Variants in MEIS2 observed in about 807,000 individuals in gnomAD.
The protein encoded by MEIS2 is Meis homeobox 2.
A neutral mutation model predicts 58.6 loss-of-function variants in MEIS2; 9 were observed. The observed-to-expected ratio is 0.15, with a 90% CI of 0.09 to 0.27. MEIS2 has a LOEUF of 0.27. MEIS2 is among the 10% of genes least tolerant of loss of function. The pLI is 1.00. For missense variants in MEIS2, 427 were observed against 635.0 expected, an observed-to-expected ratio of 0.67 and a Z score of 3.52; for synonymous variants, 221 against 228.4, an observed-to-expected ratio of 0.97 and a Z score of 0.29.
At chr15:37,019,119 A>ATCTATCT (rs1484987116) in intron 8 of MEIS2, among the ~76,000 whole-genome samples, 11 of 152,226 alleles carry the variant, frequency 7.2e-5, no homozygotes, top group African/African-American at 2.7e-4. Context: ...AGACTGTTTT[A>ATCTATCT]CATATTCTAT....
intron 7 of MEIS2, among the ~76,000 whole-genome samples, chr15:37,038,393 T>C (rs997723246): frequency 6.6e-6 from 1 of 152,190 alleles, no homozygotes; most frequent in African/African-American, 2.4e-5. Flanking sequence ...CCTGTTCTTT[T>C]CCTTTCTTGC....
At position 37,030,068 on chromosome 15, in the gene MEIS2, C is replaced by A. The variant is rs371906612; in HGVS notation, c.900+6746G>T. Among the ~76,000 whole-genome samples, 156 of 152,296 alleles carry A rather than the reference C, an allele frequency of 1.0e-3. 1 individual carries two copies. Among genetic ancestry groups the A allele is most frequent in the African/African-American group, 3.3e-3 (139 of 41,586 alleles). On this transcript the variant is annotated intron_variant, in intron 8 of 11. Transcript: ENST00000561208. ...GTCTTGCAGACAGCCTAGACTTTCA[C>A]ACTCTAAGGAAGATAGCAACTCTAT...
At chr15:36,940,478 T>C (rs2058336212) in intron 9 of MEIS2, among the ~76,000 whole-genome samples, 1 of 152,152 alleles carries the variant, frequency 6.6e-6, no homozygotes, top group African/African-American at 2.4e-5. Context: ...TTGGTATCAC[T>C]TTGTCTTTAG....
At chr15:37,032,256 C>T (rs1208375848) in intron 8 of MEIS2, among the ~76,000 whole-genome samples, 1 of 152,162 alleles carries the variant, frequency 6.6e-6, no homozygotes, top group Non-Finnish European at 1.5e-5. Flanking sequence ...TGTATGAGCA[C>T]TTCCTGTTTC....
At chr15:36,930,386 C>T (rs912087253) in intron 9 of MEIS2, among the ~76,000 whole-genome samples, 6 of 152,092 alleles carry the variant, frequency 3.9e-5, no homozygotes, top group Admixed American at 6.5e-5. Context: ...GGAGAGGTCA[C>T]TGAGGCTGGC....
At chr15:36,966,043 A>G (rs1489846331) in intron 8 of MEIS2, among the ~76,000 whole-genome samples, 1 of 152,240 alleles carries the variant, frequency 6.6e-6, no homozygotes, top group Non-Finnish European at 1.5e-5. Context: ...AGAAACTGCA[A>G]TCAAGCCAGG....
rs766833802 is a variant in MEIS2, at chr15:37,083,826, T to C, written c.699A>G (p.Pro233=). 3.1e-6 allele frequency: 5 copies of C among 1,613,962 alleles called. 1 individual carries two copies. The Admixed American group carries it at 6.7e-5, about 22-fold the overall frequency. ...AAGCATGGCCCCCACTGGAGGGCCC[T>C]GGGGTGCCTGCTGAGTGGGTTGAGG... ...DATSTHSAGT[P]GPSSGGHASQ... The change falls in exon 7 of 12, where the codon CCA becomes CCG. Residue 233 remains proline (P), a synonymous_variant. Coordinates refer to ENST00000561208, the MANE Select transcript of MEIS2 (RefSeq NM_170675.5).
At chr15:37,083,722 T>C in intron 7 of MEIS2, 49 bp downstream of exon 7, 1 of 1,480,894 alleles carries the variant, frequency 6.8e-7, no homozygotes, top group Non-Finnish European at 9.4e-7. Flanking sequence ...AATACTGAAG[T>C]TATTTTAGTC....
intron 7 of MEIS2, among the ~76,000 whole-genome samples, chr15:37,083,244 A>C (rs1399997664): frequency 6.6e-6 from 1 of 152,170 alleles, no homozygotes; most frequent in Non-Finnish European, 1.5e-5. Context: ...GCTGAATGGA[A>C]ATGGGGACAA....
At chr15:36,959,047 G>C (rs1433806562) in intron 8 of MEIS2, among the ~76,000 whole-genome samples, 2 of 152,156 alleles carry the variant, frequency 1.3e-5, no homozygotes, top group Non-Finnish European at 2.9e-5. Context: ...TTTAGACCTA[G>C]AGAGGATATT....
Position 37,049,786 on chromosome 15 carries a change from CT to C in MEIS2, c.755-12828del, listed in dbSNP as rs1038583509. Among the ~76,000 whole-genome samples, 586 of 141,698 alleles carry C rather than the reference CT, an allele frequency of 4.1e-3. 1 individual carries two copies. Among genetic ancestry groups the C allele is most frequent in the African/African-American group, 5.7e-3 (222 of 38,850 alleles). The allele number at this position is 141,698 out of a possible 152,430, so 93.0% of individuals were successfully genotyped here. A position where few individuals can be genotyped will look rare whatever the true frequency, so the allele number is the denominator to read the frequency against. ...ACAGGCGTGAGCCACCGCAGCTGGC[CT>C]TTTTTTTTTTTTTAAGACCAGATTT... On this transcript the variant is annotated intron_variant, in intron 7 of 11. Coordinates refer to ENST00000561208, the MANE Select transcript of MEIS2 (RefSeq NM_170675.5).
chr15:37,020,318 C>T (rs1347302088), intron 8 of MEIS2, among the ~76,000 whole-genome samples: 2 of 152,052 alleles, frequency 1.3e-5, no homozygotes, highest in Admixed American at 1.3e-4. Context: ...TGATCTAAAA[C>T]CCAACCAAAG....
chr15:36,919,768 A>C (rs985667155), intron 9 of MEIS2, among the ~76,000 whole-genome samples: 3 of 152,196 alleles, frequency 2.0e-5, no homozygotes, highest in Admixed American at 6.5e-5. Context: ...ATCTACAATG[A>C]CCCATTATTA....
At chr15:36,988,981 C>A (rs1410708548) in intron 8 of MEIS2, among the ~76,000 whole-genome samples, 1 of 152,140 alleles carries the variant, frequency 6.6e-6, no homozygotes, top group Non-Finnish European at 1.5e-5. Flanking sequence ...AGGATGGGGT[C>A]CTGTTTTGTA....
chr15:37,000,252 T>C (rs1468371460), intron 8 of MEIS2, among the ~76,000 whole-genome samples: 1 of 152,156 alleles, frequency 6.6e-6, no homozygotes, highest in Non-Finnish European at 1.5e-5. Flanking sequence ...AAACAGAAGA[T>C]TAGGGCTGCT....
intron 7 of MEIS2, among the ~76,000 whole-genome samples, chr15:37,051,499 T>G (rs1161235500): frequency 6.6e-6 from 1 of 152,088 alleles, no homozygotes; most frequent in Non-Finnish European, 1.5e-5. Flanking sequence ...GTAAGGAAAT[T>G]TTGGCGTAAT....
chr15:36,892,528 AT>A, intron 11 of MEIS2, 69 bp from the exon 12 acceptor site: 9 of 970,204 alleles, frequency 9.3e-6, no homozygotes, highest in South Asian at 6.4e-5. Context: ...CCCATCAAAG[AT>A]GAAAAGAAAA....
rs113465589 is a variant in MEIS2, at chr15:36,931,672, G to T, written c.977+18652C>A. Reference sequence around the variant, plus strand: ...GGTTGGGCCTATGCATCACAGAACAGAATCAATCTTCCTAATTAACGACAA... The same window carrying T: ...GGTTGGGCCTATGCATCACAGAACATAATCAATCTTCCTAATTAACGACAA... On this transcript the variant is annotated intron_variant, in intron 9 of 11. Coordinates refer to ENST00000561208, the MANE Select transcript of MEIS2 (RefSeq NM_170675.5). Among the ~76,000 whole-genome samples the T allele has an allele frequency of 6.3e-3, 965 of 152,246 alleles. 6 individuals carry two copies. The highest frequency in any genetic ancestry group is 0.02 in the African/African-American group (831 of 41,546).
At chr15:37,046,827 C>T (rs920442144) in intron 7 of MEIS2, among the ~76,000 whole-genome samples, 8 of 70,582 alleles carry the variant, frequency 1.1e-4, no homozygotes, top group South Asian at 7.0e-4. Context: ...TGGTTATTCT[C>T]GTTTAAAAAA....
Sources: allele counts gnomAD v4.1 joint callset (sites outside exome capture counted in the v4.1 genomes callset), GRCh38; gene constraint gnomAD v4.1.1; transcripts MANE v1.5; gene names NCBI Gene and HGNC (gene_info 2026-07-23, HGNC 2026-07-21).